Variants in ASAP1 observed in about 807,000 individuals in gnomAD.
ASAP1 encodes the protein ArfGAP with SH3 domain, ankyrin repeat and PH domain 1, also known as arf-GAP with SH3 domain, ANK repeat and PH domain-containing protein 1.
ASAP1 carries 43 observed loss-of-function variants against 145.2 expected under a neutral mutation model. The observed-to-expected ratio is 0.30, with a 90% CI of 0.23 to 0.38. The LOEUF is 0.38. Ranked by LOEUF, ASAP1 falls within the 10% of genes least tolerant of loss-of-function variation. The pLI is 1.00. For synonymous variants in ASAP1, 546 were observed against 515.5 expected (o/e 1.06, Z -0.80); for missense variants, 1,018 against 1,355.3 (o/e 0.75, Z 3.91).
Position 130,060,599 on chromosome 8 carries a change from G to A in ASAP1, c.3172C>T (p.Leu1058=), listed in dbSNP as rs953481926. The stretch of plus-strand genomic sequence containing the variant: ...CCCACCGTATTGATTTTTCTGGGCA[G>A]TGGTACGGGCGTCTCTGGCAGAGTA... ...TPTLPETPVP[L]PRKINTGKNK... Residue 1058 remains leucine (L), a synonymous_variant, in exon 28 of 30, where the codon CTG becomes TTG. Coordinates refer to ENST00000518721, the MANE Select transcript of ASAP1 (RefSeq NM_018482.4). 6.2e-7 allele frequency: 1 copy of A among 1,612,368 alleles called. No individual in the cohort carries two copies. Among genetic ancestry groups the A allele is most frequent in the African/African-American group, 1.3e-5 (1 of 74,850 alleles).
Position 130,118,490 on chromosome 8 carries a change from T to G in ASAP1, c.1793A>C (p.Gln598Pro), listed in dbSNP as rs1208710964. The change falls in exon 19 of 30, where the codon CAG becomes CCG. Residue 598 changes from glutamine (Q) to proline (P), a missense_variant and splice_region_variant. Gln to Pro is a moderately conservative substitution (Grantham distance 76). Around this residue, in one of 9 missense-constraint regions of ASAP1, gnomAD observed 353 missense variants for 375.4 expected, o/e 0.94. Coordinates refer to ENST00000518721, the MANE Select transcript of ASAP1 (RefSeq NM_018482.4). ...ELMEPLLEPG[Q>P]ELGETALHLA... ...CCAATGATTTTAGTGAGGCCTTACCTGCCCAGGTTCCAGCAGTGGTTCCAT... is the reference window on the plus strand; with the variant it reads ...CCAATGATTTTAGTGAGGCCTTACCGGCCCAGGTTCCAGCAGTGGTTCCAT... The G allele has an allele frequency of 6.2e-7, 1 of 1,602,542 alleles. No homozygotes were observed. Among genetic ancestry groups the G allele is most frequent in the Non-Finnish European group, 8.5e-7 (1 of 1,173,716 alleles).
chr8:130,369,001 G>A (rs1827091673), intron 2 of ASAP1, among the ~76,000 whole-genome samples: 1 of 152,120 alleles, frequency 6.6e-6, no homozygotes, highest in Non-Finnish European at 1.5e-5. Context: ...GTTATGTTAG[G>A]CAAGCTGTTC....
At chr8:130,318,031 T>C (rs764644648) in intron 3 of ASAP1, among the ~76,000 whole-genome samples, 7 of 151,932 alleles carry the variant, frequency 4.6e-5, no homozygotes, top group Non-Finnish European at 8.8e-5. Flanking sequence ...TGATAGAGAG[T>C]TTTTATGACA....
intron 22 of ASAP1, 106 bp downstream of exon 22, chr8:130,116,572 T>TA (rs200921562): frequency 4.4e-4 from 425 of 969,312 alleles, no homozygotes; most frequent in Non-Finnish European, 5.6e-4. Context: ...TAGCAAGTGT[T>TA]AAAAAAAAAT....
intron 24 of ASAP1, among the ~76,000 whole-genome samples, chr8:130,094,396 T>G (rs1025406156): frequency 6.6e-6 from 1 of 152,064 alleles, no homozygotes; most frequent in Non-Finnish European, 1.5e-5. Flanking sequence ...AATTTTTAAA[T>G]TTTTAGTAGA....
intron 9 of ASAP1, among the ~76,000 whole-genome samples, chr8:130,176,688 GTTT>G (rs11324057): frequency 2.1e-5 from 3 of 143,440 alleles, no homozygotes; most frequent in Non-Finnish European, 4.6e-5. Context: ...CTCTCTTCCT[GTTT>G]TTTTTTTTTT....
At chr8:130,399,721 C>T (rs1828690465) in intron 2 of ASAP1, among the ~76,000 whole-genome samples, 1 of 151,710 alleles carries the variant, frequency 6.6e-6, no homozygotes, top group East Asian at 1.9e-4. Flanking sequence ...AAACACTTTA[C>T]ATTTTTTCTA....
intron 4 of ASAP1, among the ~76,000 whole-genome samples, chr8:130,224,445 T>G (rs1289273045): frequency 2.0e-5 from 3 of 152,130 alleles, no homozygotes; most frequent in Non-Finnish European, 4.4e-5. Flanking sequence ...AAGATAAAAT[T>G]ATAATTTCCT....
intron 27 of ASAP1, among the ~76,000 whole-genome samples, chr8:130,071,036 G>C (rs1592733508): frequency 7.2e-6 from 1 of 139,734 alleles, no homozygotes; most frequent in Non-Finnish European, 1.6e-5. Flanking sequence ...GAGAGAGAGA[G>C]AGAGAGAGAG....
At chr8:130,209,594 T>C (rs1816450893) in intron 5 of ASAP1, among the ~76,000 whole-genome samples, 1 of 151,716 alleles carries the variant, frequency 6.6e-6, no homozygotes, top group South Asian at 2.1e-4. Context: ...AGAATACCCA[T>C]AATGAAAAAG....
Position 130,080,157 on chromosome 8 carries a change from G to A in ASAP1, c.2573-186C>T, listed in dbSNP as rs1173416278. On this transcript the variant is annotated intron_variant, in intron 25 of 29. Coordinates refer to ENST00000518721, the MANE Select transcript of ASAP1 (RefSeq NM_018482.4). ...AACTGAGCACTGTTTTGGGCTTTGC[G>A]GTTTTTTATTTCTGGTAAAGGAGTG... is the stretch of plus-strand genomic sequence containing the variant. Among the ~76,000 whole-genome samples the A allele has an allele frequency of 9.2e-5, 14 of 152,210 alleles. No individual in the cohort carries two copies. The East Asian group carries it at 1.7e-3, about 19-fold the overall frequency.
chr8:130,418,692 C>T (rs1280012218), intron 1 of ASAP1, among the ~76,000 whole-genome samples: 1 of 152,000 alleles, frequency 6.6e-6, no homozygotes, highest in Non-Finnish European at 1.5e-5. Context: ...TACACACCCC[C>T]GGCAAAAATA....
intron 3 of ASAP1, among the ~76,000 whole-genome samples, chr8:130,328,261 C>T (rs140266609): frequency 4.7e-4 from 71 of 152,078 alleles, no homozygotes; most frequent in Non-Finnish European, 7.9e-4. Flanking sequence ...AGTGCCACAA[C>T]AGAGTTTCAA....
intron 3 of ASAP1, among the ~76,000 whole-genome samples, chr8:130,318,018 C>T (rs913902973): frequency 3.3e-5 from 5 of 152,160 alleles, no homozygotes; most frequent in African/African-American, 1.2e-4. Flanking sequence ...AGAAAGCATC[C>T]ACTGATAGAG....
At chr8:130,294,041 G>T (rs564385145) in intron 3 of ASAP1, among the ~76,000 whole-genome samples, 1 of 152,182 alleles carries the variant, frequency 6.6e-6, no homozygotes, top group South Asian at 2.1e-4. Flanking sequence ...TACGTAATAG[G>T]TATTATACCC....
intron 1 of ASAP1, among the ~76,000 whole-genome samples, chr8:130,408,859 G>A (rs894161548): frequency 5.9e-5 from 9 of 152,176 alleles, no homozygotes; most frequent in Non-Finnish European, 7.4e-5. Flanking sequence ...GAAAGAGCTC[G>A]ATTTCAAAGC....
chr8:130,086,409 A>T (rs953509707), intron 25 of ASAP1, among the ~76,000 whole-genome samples: 1 of 152,252 alleles, frequency 6.6e-6, no homozygotes, highest in African/African-American at 2.4e-5. Flanking sequence ...GGCACTTACA[A>T]GTGATGGCCT....
At chr8:130,109,149 A>G (rs1441020549) in intron 24 of ASAP1, among the ~76,000 whole-genome samples, 1 of 152,118 alleles carries the variant, frequency 6.6e-6, no homozygotes, top group African/African-American at 2.4e-5. Context: ...CAAACGAGAA[A>G]CTACCACACA....
At chr8:130,278,417 A>C (rs2137153054) in intron 3 of ASAP1, among the ~76,000 whole-genome samples, 1 of 152,228 alleles carries the variant, frequency 6.6e-6, no homozygotes, top group East Asian at 1.9e-4. Flanking sequence ...CTACCTAAAA[A>C]TGAACTGCAC....
Sources: gnomAD v4.1 joint callset for allele counts (sites outside exome capture counted in the v4.1 genomes callset) on GRCh38, gnomAD v4.1.1 for gene constraint, gnomAD v4.1.1 regional missense constraint, MANE v1.5 for transcripts, NCBI Gene and HGNC (gene_info 2026-07-23, HGNC 2026-07-21) for gene names.